The following KCNK2 variants were observed in gnomAD, a reference collection of about 807,000 sequenced individuals.
KCNK2 encodes potassium two pore domain channel subfamily K member 2.
In KCNK2, 21 loss-of-function variants were observed where a neutral mutation model predicts 40.5. The ratio of observed to expected loss-of-function variants is 0.52; its 90% CI spans 0.37 to 0.75. The LOEUF is 0.75. Among genes scored for constraint, KCNK2 ranks in the 30% least tolerant of loss-of-function variants. KCNK2 has a pLI of 0.00. For missense variants in KCNK2, 399 were observed against 531.6 expected, an observed-to-expected ratio of 0.75 and a Z score of 2.45; for synonymous variants, 191 against 202.2, an observed-to-expected ratio of 0.94 and a Z score of 0.47.
intron 3 of KCNK2, among the ~76,000 whole-genome samples, chr1:215,138,355 A>G (rs533329581): frequency 7.9e-5 from 12 of 152,210 alleles, no homozygotes; most frequent in Non-Finnish European, 1.6e-4. Flanking sequence ...AAGCCATGAC[A>G]TTCTGGTTTA....
chr1:215,036,969 C>T, intron 1 of KCNK2, among the ~76,000 whole-genome samples: 1 of 139,512 alleles, frequency 7.2e-6, no homozygotes, highest in South Asian at 2.2e-4. Context: ...ATTTATTTTA[C>T]TTCTTCCTTT....
intron 1 of KCNK2, among the ~76,000 whole-genome samples, chr1:215,011,710 A>G (rs540162048): frequency 2.6e-5 from 4 of 151,914 alleles, no homozygotes; most frequent in African/African-American, 9.7e-5. Context: ...GGTTCAAGTG[A>G]TTCTCCCGCT....
intron 2 of KCNK2, among the ~76,000 whole-genome samples, chr1:215,115,736 T>A (rs58723789): frequency 0.25 from 31,562 of 127,008 alleles, 5,220 homozygotes; most frequent in African/African-American, 0.49. Flanking sequence ...CTTTTTTTTT[T>A]AAAAAAATTA....
At chr1:215,156,603 G>T (rs1372364635) in intron 3 of KCNK2, among the ~76,000 whole-genome samples, 1 of 152,094 alleles carries the variant, frequency 6.6e-6, no homozygotes, top group Admixed American at 6.6e-5. Flanking sequence ...ATTCTCATAT[G>T]GCTATAATGA....
intron 1 of KCNK2, among the ~76,000 whole-genome samples, chr1:215,061,313 G>A (rs1165063246): frequency 2.0e-5 from 3 of 151,360 alleles, no homozygotes; most frequent in Non-Finnish European, 4.4e-5. Context: ...CAGCTTTCAT[G>A]TAAAAAAAAA....
intron 3 of KCNK2, among the ~76,000 whole-genome samples, chr1:215,167,065 T>G (rs1663478927): frequency 6.6e-6 from 1 of 152,114 alleles, no homozygotes; most frequent in Non-Finnish European, 1.5e-5. Context: ...ACTAACTGTT[T>G]GAGTAGGAGG....
intron 1 of KCNK2, among the ~76,000 whole-genome samples, chr1:215,027,387 T>C (rs143202300): frequency 5.9e-5 from 9 of 152,292 alleles, no homozygotes; most frequent in African/African-American, 1.9e-4. Context: ...TTTTGGTAAA[T>C]ATCGGAAATA....
intron 1 of KCNK2, among the ~76,000 whole-genome samples, chr1:215,063,534 G>A (rs527684317): frequency 4.3e-4 from 66 of 152,290 alleles, no homozygotes; most frequent in African/African-American, 1.5e-3. Flanking sequence ...ACTTTCTCCT[G>A]CTTTTTCAGG....
intron 1 of KCNK2, among the ~76,000 whole-genome samples, chr1:215,086,121 C>T (rs1029225788): frequency 6.6e-6 from 1 of 152,090 alleles, no homozygotes; most frequent in Non-Finnish European, 1.5e-5. Context: ...TTTCTTGGTT[C>T]GACTCCAGTT....
At chr1:215,048,971 A>G (rs1434061860) in intron 1 of KCNK2, among the ~76,000 whole-genome samples, 1 of 152,202 alleles carries the variant, frequency 6.6e-6, no homozygotes, top group African/African-American at 2.4e-5. Flanking sequence ...TGGACATTGT[A>G]TTAGGTGTTT....
intron 2 of KCNK2, among the ~76,000 whole-genome samples, chr1:215,092,956 T>A (rs2102538704): frequency 6.6e-6 from 1 of 152,268 alleles, no homozygotes; most frequent in East Asian, 1.9e-4. Context: ...AGCACAGCCA[T>A]GTGAAATTTG....
chr1:215,189,413 A>G (rs1212246084), intron 5 of KCNK2, among the ~76,000 whole-genome samples: 1 of 152,172 alleles, frequency 6.6e-6, no homozygotes, highest in Non-Finnish European at 1.5e-5. Flanking sequence ...AAGAATAACA[A>G]TTGGGTACAT....
chr1:215,086,551 C>T lies in KCNK2; in HGVS notation c.230C>T (p.Ala77Val). ...GTTGTCCTCTATCTGATCATCGGAG[C>T]CACCGTGTTCAAAGCATTGGAGCAG... ...LVVVLYLIIG[A>V]TVFKALEQPH... is the part of the protein sequence containing the mutation. The change falls in exon 2 of 7, where the codon GCC becomes GTC. Residue 77 changes from alanine (A) to valine (V), a missense_variant. By Grantham distance (64) the Ala-to-Val change is moderately conservative. This residue lies in a region of KCNK2 where 279 missense variants were observed against 353.8 expected (regional missense o/e 0.79). Coordinates refer to ENST00000444842, the MANE Select transcript of KCNK2 (RefSeq NM_001017425.3). 1 of 1,614,168 alleles carries T rather than the reference C, an allele frequency of 6.2e-7. No individual in the cohort carries two copies. The highest frequency in any genetic ancestry group is 8.5e-7 in the Non-Finnish European group (1 of 1,180,006).
At chr1:215,158,233 CCA>C (rs549347747) in intron 3 of KCNK2, among the ~76,000 whole-genome samples, 82 of 152,222 alleles carry the variant, frequency 5.4e-4, no homozygotes, top group African/African-American at 1.9e-3. Flanking sequence ...GGGACTTGTC[CCA>C]CATCCAGACA....
chr1:215,030,944 G>A (rs1256017190), intron 1 of KCNK2, among the ~76,000 whole-genome samples: 2 of 152,014 alleles, frequency 1.3e-5, no homozygotes, highest in African/African-American at 2.4e-5. Context: ...TCTGCATCTC[G>A]ATTCATTTTT....
chr1:215,206,710 G>T (rs1442215160), intron 6 of KCNK2, among the ~76,000 whole-genome samples: 1 of 151,930 alleles, frequency 6.6e-6, no homozygotes, highest in East Asian at 1.9e-4. Context: ...CCTCTTCTTT[G>T]TTCACGTGAG....
chr1:215,029,611 T>TATATATTTAATATATGAATATAAATATTG (rs1657116651), intron 1 of KCNK2, among the ~76,000 whole-genome samples: 3 of 147,148 alleles, frequency 2.0e-5, no homozygotes, highest in East Asian at 4.0e-4. Context: ...AATATATTAA[T>TATATATTTAATATATGAATATAAATATTG]ATATATTTAA....
At chr1:215,131,027 A>T (rs1195533376) in intron 3 of KCNK2, among the ~76,000 whole-genome samples, 4 of 150,490 alleles carry the variant, frequency 2.7e-5, no homozygotes, top group African/African-American at 9.7e-5. Flanking sequence ...CGCCCGGCTA[A>T]TTTTTTGTAT....
At chr1:215,222,245 A>G (rs544041875) in intron 6 of KCNK2, among the ~76,000 whole-genome samples, 104 of 138,344 alleles carry the variant, frequency 7.5e-4, no homozygotes, top group African/African-American at 2.8e-3. Context: ...TCCAAACTAT[A>G]TTATCATCTT....
Sources: allele counts gnomAD v4.1 joint callset (sites outside exome capture counted in the v4.1 genomes callset), GRCh38; gene constraint gnomAD v4.1.1; regional missense constraint gnomAD v4.1.1; transcripts MANE v1.5; gene names NCBI Gene and HGNC (gene_info 2026-07-23, HGNC 2026-07-21).